Variants in SLIT3 observed in about 807,000 individuals in gnomAD.
The protein encoded by SLIT3 is slit homolog 3 protein.
Under a neutral mutation model 184.0 loss-of-function variants are expected in SLIT3, and 68 were observed. That is an observed-to-expected ratio of 0.37 (90% confidence interval 0.30 to 0.45). The LOEUF is 0.45. Ranked by LOEUF, SLIT3 falls within the 20% of genes least tolerant of loss-of-function variation. The probability of loss-of-function intolerance (pLI) is 1.00; values close to 1 mark genes in which losing one functional copy is unlikely to be tolerated. For missense variants in SLIT3, 1,707 were observed against 2,026.0 expected, an observed-to-expected ratio of 0.84 and a Z score of 3.02; for synonymous variants, 831 against 828.6, an observed-to-expected ratio of 1.00 and a Z score of -0.05.
intron 14 of SLIT3, among the ~76,000 whole-genome samples, chr5:168,768,983 A>G (rs1402370825): frequency 6.6e-6 from 1 of 152,172 alleles, no homozygotes; most frequent in African/African-American, 2.4e-5. Context: ...CTGCAATCAT[A>G]GTTGTTGTTT....
intron 4 of SLIT3, among the ~76,000 whole-genome samples, chr5:169,069,804 T>G (rs953629214): frequency 1.3e-5 from 2 of 151,218 alleles, no homozygotes; most frequent in Admixed American, 1.3e-4. Flanking sequence ...GTGTGGTGAG[T>G]GTGTACACCA....
chr5:168,899,621 A>T (rs914765630), intron 4 of SLIT3, among the ~76,000 whole-genome samples: 2 of 152,206 alleles, frequency 1.3e-5, no homozygotes, highest in Non-Finnish European at 2.9e-5. Flanking sequence ...GAATGAAGCT[A>T]TAAGCATTGC....
At position 169,300,540 on chromosome 5, in the gene SLIT3, C is replaced by G. The variant is rs1004421409; in HGVS notation, c.170G>C (p.Arg57Pro). The G allele has an allele frequency of 3.3e-6, 5 of 1,508,974 alleles. No homozygotes were observed. Among genetic ancestry groups the G allele is most frequent in the Non-Finnish European group, 4.4e-6 (5 of 1,132,030 alleles). The allele number at this position is 1,508,974 out of a possible 1,614,324, so 93.5% of individuals were successfully genotyped here. ...GCGCTCAGCGTTGCGGGGGATGCCC[C>G]GAGGAACCGCGCGGAGGCCCAGCCC... Reference protein sequence around the residue: ...CHGLGLRAVPRGIPRNAERLD... With the variant: ...CHGLGLRAVPPGIPRNAERLD... Residue 57 changes from arginine to proline, a missense_variant, in exon 1 of 36, where the codon CGG becomes CCG. Physicochemically the swap from Arg to Pro is moderately radical, Grantham distance 103. This residue lies in a region of SLIT3 where 1,307 missense variants were observed against 1,511.6 expected (regional missense o/e 0.86). Coordinates refer to ENST00000519560, the MANE Select transcript of SLIT3 (RefSeq NM_003062.4). This position sits in a 1 kb window ranked among gnomAD's most constrained non-coding sequence, Gnocchi z 4.1.
chr5:168,902,531 G>A (rs765980727), intron 4 of SLIT3, among the ~76,000 whole-genome samples: 1 of 152,198 alleles, frequency 6.6e-6, no homozygotes, highest in Non-Finnish European at 1.5e-5. Flanking sequence ...TGCAAGGGAA[G>A]GGTGTGTGTT....
rs371722412 is a variant in SLIT3, at chr5:168,749,570, T to C, written c.2039A>G (p.Lys680Arg). Residue 680 changes from lysine to arginine, a missense_variant, in exon 19 of 36, where the codon AAG becomes AGG. Lys to Arg is a conservative substitution (Grantham distance 26, BLOSUM62 2). Around this residue, in one of 3 missense-constraint regions of SLIT3, gnomAD observed 1,307 missense variants for 1,511.6 expected, o/e 0.86. Transcript: ENST00000519560. Reference sequence around the variant, plus strand: ...AGGGTTCCCACTGACGATCCGCCTCTTCCTCAACCACTTGCCGAGCCAGGC... The same window carrying C: ...AGGGTTCCCACTGACGATCCGCCTCCTCCTCAACCACTTGCCGAGCCAGGC... The part of the protein sequence containing the change: ...HLAWLGKWLR[K>R]RRIVSGNPRC... 4.3e-6 allele frequency: 7 copies of C among 1,614,204 alleles called. No homozygotes were observed. In the South Asian group the frequency reaches 7.7e-5, roughly 18 times the overall value.
At chr5:169,152,995 G>A (rs1762171006) in intron 4 of SLIT3, among the ~76,000 whole-genome samples, 1 of 152,182 alleles carries the variant, frequency 6.6e-6, no homozygotes, top group South Asian at 2.1e-4. Flanking sequence ...CCCTTTTTCA[G>A]GTTAAAAGCA....
At chr5:168,904,489 C>CAAT (rs56039430) in intron 4 of SLIT3, among the ~76,000 whole-genome samples, 88,737 of 147,418 alleles carry the variant, frequency 0.6, 30,810 homozygotes, top group Non-Finnish European at 0.75. Flanking sequence ...TTAGAAATAA[C>CAAT]AATAATAATA....
intron 4 of SLIT3, among the ~76,000 whole-genome samples, chr5:169,097,370 GGAGGAAAAGGGGA>G (rs1377333127): frequency 6.6e-6 from 1 of 151,896 alleles, no homozygotes; most frequent in Non-Finnish European, 1.5e-5. Context: ...TAAATGGGGA[GGAGGAAAAGGGGA>G]GAGGAAATGG....
intron 5 of SLIT3, among the ~76,000 whole-genome samples, chr5:168,876,196 C>A (rs1759724541): frequency 6.6e-6 from 1 of 152,114 alleles, no homozygotes; most frequent in Non-Finnish European, 1.5e-5. Flanking sequence ...TTTGACTCTG[C>A]CTTTTTAGAT....
At chr5:169,213,744 G>T (rs964377770) in intron 3 of SLIT3, among the ~76,000 whole-genome samples, 2 of 152,152 alleles carry the variant, frequency 1.3e-5, no homozygotes, top group Non-Finnish European at 2.9e-5. Context: ...ATTCCATGTG[G>T]GTAAAAACTT....
intron 4 of SLIT3, among the ~76,000 whole-genome samples, chr5:169,056,991 C>T (rs1373306938): frequency 6.6e-6 from 1 of 152,198 alleles, no homozygotes; most frequent in African/African-American, 2.4e-5. Flanking sequence ...TTACCTGTCT[C>T]CATAATGACA....
intron 5 of SLIT3, among the ~76,000 whole-genome samples, chr5:168,865,173 CA>C (rs70979103): frequency 0.034 from 1,914 of 56,270 alleles, 5 homozygotes; most frequent in Middle Eastern, 0.085. Flanking sequence ...AACTCCGTCT[CA>C]AAAAAAAAAA....
chr5:168,671,476 G>A lies in SLIT3; in HGVS notation c.3849C>T (p.Pro1283=). 1 of 1,609,768 alleles carries A rather than the reference G, an allele frequency of 6.2e-7. No individual in the cohort carries two copies. Among genetic ancestry groups the A allele is most frequent in the Non-Finnish European group, 8.5e-7 (1 of 1,178,106 alleles). Residue 1283 remains proline, a synonymous_variant, in exon 34 of 36, where the codon CCC becomes CCT. Coordinates refer to ENST00000519560, the MANE Select transcript of SLIT3 (RefSeq NM_003062.4). The part of the protein sequence containing the change: ...INSPLYLGGI[P]TSTGLSALRQ... ...GCAAGGCAGAGAGGCCGGTGGAGGTGGGGATGCCTGTGGGAGGGGAGCCAG... is the reference window on the plus strand; with the variant it reads ...GCAAGGCAGAGAGGCCGGTGGAGGTAGGGATGCCTGTGGGAGGGGAGCCAG...
At chr5:169,208,156 C>A (rs576712767) in intron 3 of SLIT3, among the ~76,000 whole-genome samples, 1 of 152,276 alleles carries the variant, frequency 6.6e-6, no homozygotes, top group East Asian at 1.9e-4. Flanking sequence ...CAGTTGCTTA[C>A]TTATAAATTA....
At chr5:168,668,020 G>T (rs74549313) in intron 35 of SLIT3, among the ~76,000 whole-genome samples, 4 of 152,094 alleles carry the variant, frequency 2.6e-5, no homozygotes, top group Admixed American at 6.5e-5. Context: ...AATGAGTTTT[G>T]GTTAAGAATA....
intron 4 of SLIT3, among the ~76,000 whole-genome samples, chr5:169,075,333 C>T (rs1758698859): frequency 6.6e-6 from 1 of 152,152 alleles, no homozygotes; most frequent in South Asian, 2.1e-4. Context: ...CCTGAAGCAA[C>T]AACAATAAAG....
chr5:169,044,921 T>C (rs1404151364), intron 4 of SLIT3, among the ~76,000 whole-genome samples: 2 of 152,294 alleles, frequency 1.3e-5, no homozygotes, highest in East Asian at 3.9e-4. Flanking sequence ...TCAACAACAG[T>C]GTAAGCTTCC....
intron 15 of SLIT3, among the ~76,000 whole-genome samples, chr5:168,761,889 C>T (rs924058772): frequency 6.6e-6 from 1 of 150,750 alleles, no homozygotes; most frequent in Non-Finnish European, 1.5e-5. Flanking sequence ...CAGGTGCATG[C>T]CACTATCATG....
intron 1 of SLIT3, among the ~76,000 whole-genome samples, chr5:169,270,299 G>A (rs1404600249): frequency 6.6e-6 from 1 of 152,212 alleles, no homozygotes; most frequent in East Asian, 1.9e-4. Context: ...AATACATCAC[G>A]CTCCATATCC....
Sources: gnomAD v4.1 joint callset for allele counts (sites outside exome capture counted in the v4.1 genomes callset) on GRCh38, gnomAD v4.1.1 for gene constraint, gnomAD v4.1.1 regional missense constraint, Gnocchi (gnomAD v3.1) non-coding constraint, MANE v1.5 for transcripts, NCBI Gene and HGNC (gene_info 2026-07-23, HGNC 2026-07-21) for gene names.